USP22: variants seen among roughly 807,000 people sequenced by gnomAD.
USP22 encodes ubiquitin carboxyl-terminal hydrolase 22.
In USP22, 22 loss-of-function variants were observed where a neutral mutation model predicts 68.1. The observed-to-expected ratio is 0.32, with a 90% confidence interval of 0.23 to 0.46. The LOEUF (loss-of-function observed/expected upper bound fraction) is 0.46. Among genes scored for constraint, USP22 ranks in the 20% least tolerant of loss-of-function variants. The probability of loss-of-function intolerance (pLI) is 1.00; values close to 1 mark genes in which losing one functional copy is unlikely to be tolerated. For missense variants in USP22, 433 were observed against 695.8 expected (o/e 0.62, Z 4.25); for synonymous variants, 279 against 274.2 (o/e 1.02, Z -0.17).
chr17:21,004,108 T>C, intron 12 of USP22, 94 bp downstream of exon 12: 2 of 1,500,568 alleles, frequency 1.3e-6, no homozygotes, highest in South Asian at 1.3e-5. Flanking sequence ...CACCTTCGAG[T>C]GGTTCTAGGC....
intron 5 of USP22, 65 bp from the exon 6 acceptor site, chr17:21,015,964 A>G: frequency 2.6e-6 from 4 of 1,553,404 alleles, no homozygotes; most frequent in Non-Finnish European, 3.5e-6. Context: ...CAGAGTACAC[A>G]CAATCAAAAC....
At chr17:21,043,412 A>G (rs1365664903), upstream of USP22, 3 of 406,778 alleles carry the variant, frequency 7.4e-6, no homozygotes, top group Non-Finnish European at 8.7e-6. Context: ...TGTCTCTTCC[A>G]GAGGACTGGG....
At chr17:21,022,456 G>C (rs1328308279) in intron 2 of USP22, among the ~76,000 whole-genome samples, 2 of 152,154 alleles carry the variant, frequency 1.3e-5, no homozygotes, top group East Asian at 3.8e-4. Flanking sequence ...GTAAGATAAA[G>C]TCCTCTGAGT....
At position 21,036,153 on chromosome 17, in the gene USP22, G is replaced by C. The variant is rs574592673; in HGVS notation, c.171+6512C>G. ...ACAGACTGTATGAACCCAATGATAT[G>C]ACATTCTGGAAAGGGAAAAACCTCC... is the stretch of plus-strand genomic sequence containing the variant. On this transcript the variant is annotated intron_variant, in intron 1 of 12. Transcript: ENST00000261497. 5.3e-5 allele frequency among the ~76,000 whole-genome samples: 8 copies of C among 151,152 alleles called. No homozygotes were observed. The East Asian group carries it at 1.6e-3, about 29-fold the overall frequency.
At chr17:21,018,312 A>C in intron 4 of USP22, 1 of 488,666 alleles carries the variant, frequency 2.0e-6, no homozygotes. Flanking sequence ...ACCACCATGG[A>C]CCCCTCCCAC....
chr17:21,007,148 G>A lies in USP22; in HGVS notation c.1231-161C>T, dbSNP rs191715243. On this transcript the variant is annotated intron_variant, in intron 9 of 12. Transcript: ENST00000261497. Reference sequence around the variant, plus strand: ...CTAGAATTACAGATTCAAAAACACAGTGGCAATCCACCCAAGTCCTCATTT... The same window carrying A: ...CTAGAATTACAGATTCAAAAACACAATGGCAATCCACCCAAGTCCTCATTT... Among the ~76,000 whole-genome samples, 200 of 152,346 alleles carry A rather than the reference G, an allele frequency of 1.3e-3. 1 individual carries two copies. Among genetic ancestry groups the A allele is most frequent in the African/African-American group, 4.6e-3 (193 of 41,574 alleles).
intron 7 of USP22, among the ~76,000 whole-genome samples, chr17:21,012,151 G>A (rs61743471): frequency 0.032 from 4,929 of 152,214 alleles, 261 homozygotes; most frequent in African/African-American, 0.11. Context: ...AGCCAGGCAC[G>A]GTGGCCCATG....
chr17:21,041,424 C>A (rs1972429335), intron 1 of USP22, among the ~76,000 whole-genome samples: 1 of 151,778 alleles, frequency 6.6e-6, no homozygotes, highest in African/African-American at 2.4e-5. Flanking sequence ...ATGGTGAAAC[C>A]CCGTCTCTAC....
At position 21,028,600 on chromosome 17, in the gene USP22, G is replaced by A. The variant is rs752989047; in HGVS notation, c.246C>T (p.Phe82=). ...RLHSCLYCVF[F]GCFTKKHIHE... is the part of the protein sequence containing the mutation. ...GAATATGCTTCTTTGTGAAACAGCCGAAGAAGACACAGTAGAGGCAGGAAT... is the reference window on the plus strand; with the variant it reads ...GAATATGCTTCTTTGTGAAACAGCCAAAGAAGACACAGTAGAGGCAGGAAT... Residue 82 remains phenylalanine (F), a synonymous_variant, in exon 2 of 13, where the codon TTC becomes TTT. Transcript: ENST00000261497. 57 of 1,613,860 alleles carry A rather than the reference G, an allele frequency of 3.5e-5. No homozygotes were observed. Among genetic ancestry groups the A allele is most frequent in the Non-Finnish European group, 4.2e-5 (50 of 1,180,008 alleles).
chr17:21,024,668 A>G (rs1269143659), intron 2 of USP22, among the ~76,000 whole-genome samples: 2 of 152,178 alleles, frequency 1.3e-5, no homozygotes, highest in Non-Finnish European at 2.9e-5. Context: ...TCAGCAACAA[A>G]AGAAAAAATA....
At chr17:21,016,525 C>G (rs1972085484) in intron 5 of USP22, among the ~76,000 whole-genome samples, 1 of 152,210 alleles carries the variant, frequency 6.6e-6, no homozygotes, top group African/African-American at 2.4e-5. Context: ...CACAGACCAC[C>G]CAAATGTGTC....
At chr17:21,007,389 C>T (rs575529202) in intron 9 of USP22, among the ~76,000 whole-genome samples, 2 of 152,126 alleles carry the variant, frequency 1.3e-5, no homozygotes, top group African/African-American at 4.8e-5. Flanking sequence ...TAGGAATGGG[C>T]GTTTTCCATG....
chr17:21,003,197 T>A (rs1042276710), intron 12 of USP22, 124 bp from the exon 13 acceptor site: 16 of 1,183,070 alleles, frequency 1.4e-5, no homozygotes, highest in Admixed American at 1.3e-4. Flanking sequence ...CCCGAGTTGA[T>A]GGTTTTGGCT....
At chr17:21,033,147 T>G (rs921388793) in intron 1 of USP22, among the ~76,000 whole-genome samples, 3 of 152,086 alleles carry the variant, frequency 2.0e-5, no homozygotes, top group Non-Finnish European at 4.4e-5. Context: ...TGGTGGCTCC[T>G]GCAGAGGCAG....
In USP22 at chr17:21,004,784, CAGCCAATAGTGGAGCTGCGGG is replaced by C; in HGVS notation, c.1385+123_1385+143del. The C allele has an allele frequency of 2.7e-5, 4 of 146,920 alleles. 1 individual carries two copies. The highest frequency in any genetic ancestry group is 3.5e-4 in the South Asian group (2 of 5,642). 9.1% of individuals were successfully genotyped at this position (146,920 alleles called of 1,614,324 possible). A position where few individuals can be genotyped will look rare whatever the true frequency, so the allele number is the denominator to read the frequency against. On this transcript the variant is annotated intron_variant, in intron 11 of 12. Coordinates refer to ENST00000261497, the MANE Select transcript of USP22 (RefSeq NM_015276.2). The stretch of plus-strand genomic sequence containing the variant: ...CGGCCTTTCCTAGTGGAGCTGCGGG[CAGCCAATAGTGGAGCTGCGGG>C]CAGCCAAGCGGGAAGCAGGTCAGTG...
At chr17:21,032,158 G>A (rs9908446) in intron 1 of USP22, among the ~76,000 whole-genome samples, 100,372 of 141,146 alleles carry the variant, frequency 0.71, 35,120 homozygotes, top group South Asian at 0.82. Flanking sequence ...AGTACGGTAC[G>A]TGCTGTACAG....
At position 21,028,634 on chromosome 17, in the gene USP22, T is replaced by C; in HGVS notation, c.212A>G (p.Asn71Ser). The C allele has an allele frequency of 8.1e-6, 13 of 1,613,484 alleles. No homozygotes were observed. Among genetic ancestry groups the C allele is most frequent in the Non-Finnish European group, 9.3e-6 (11 of 1,179,858 alleles). ...ACAGTAGAGGCAGGAATGCAGCCTG[T>C]TGAGGTGGACGCCACAGACATGGCA... ...CICHVCGVHL[N>S]RLHSCLYCVF... The change falls in exon 2 of 13, where the codon AAC becomes AGC. Residue 71 changes from asparagine (N) to serine (S), a missense_variant. Physicochemically the swap from Asn to Ser is conservative, Grantham distance 46 (BLOSUM62 1). This residue lies in a region of USP22 where 144 missense variants were observed against 237.2 expected (regional missense o/e 0.61). Coordinates refer to ENST00000261497, the MANE Select transcript of USP22 (RefSeq NM_015276.2).
intron 4 of USP22, 70 bp downstream of exon 4, chr17:21,019,014 C>A (rs1972122228): frequency 3.3e-6 from 5 of 1,512,020 alleles, no homozygotes; most frequent in African/African-American, 1.4e-5. Flanking sequence ...CTTAAGAAAC[C>A]CACAATTCTG....
chr17:21,028,725 G>A (rs765508118), intron 1 of USP22, 51 bp from the exon 2 acceptor site: 1 of 1,590,188 alleles, frequency 6.3e-7, no homozygotes, highest in East Asian at 2.3e-5. Flanking sequence ...AGACAGGGGT[G>A]CTCAGAGGAA....
Sources: gnomAD v4.1 joint callset for allele counts (sites outside exome capture counted in the v4.1 genomes callset) on GRCh38, gnomAD v4.1.1 for gene constraint, gnomAD v4.1.1 regional missense constraint, MANE v1.5 for transcripts, NCBI Gene and HGNC (gene_info 2026-07-23, HGNC 2026-07-21) for gene names.